The following KPNB1 variants were observed in gnomAD, a reference collection of about 807,000 sequenced individuals.
KPNB1 encodes importin subunit beta-1.
In KPNB1, 7 loss-of-function variants were observed where a neutral mutation model predicts 113.0. The ratio of observed to expected loss-of-function variants is 0.06; its 90% CI spans 0.04 to 0.12. The LOEUF is 0.12. KPNB1 is among the 10% of genes least tolerant of loss of function. The pLI, the probability that KPNB1 is intolerant of heterozygous loss-of-function variation, is 1.00. For synonymous variants in KPNB1, 363 were observed against 378.6 expected (o/e 0.96, Z 0.48); for missense variants, 400 against 1,054.8 (o/e 0.38, Z 8.60).
In KPNB1 at chr17:47,683,253, G is replaced by A. The variant is rs1165013202; in HGVS notation, c.*849G>A. On this transcript the variant is annotated 3_prime_UTR_variant, in exon 22 of 22. Coordinates refer to ENST00000290158, the MANE Select transcript of KPNB1 (RefSeq NM_002265.6). ...CCTATCCTGATCTTTTCATCAAGGC[G>A]CCTTTCCTAATAATATGGTTCAACT... is the stretch of plus-strand genomic sequence containing the variant. The A allele has an allele frequency of 2.9e-5, 4 of 137,818 alleles. No homozygotes were observed. The highest frequency in any genetic ancestry group is 2.6e-4 in the South Asian group (1 of 3,904). 8.5% of individuals were successfully genotyped at this position (137,818 alleles called of 1,614,324 possible). A position where few individuals can be genotyped will look rare whatever the true frequency, so the allele number is the denominator to read the frequency against.
At chr17:47,677,472 C>CAAAAAAAAAAAA (rs746941632) in intron 17 of KPNB1, among the ~76,000 whole-genome samples, 1 of 53,264 alleles carries the variant, frequency 1.9e-5, no homozygotes, top group African/African-American at 6.8e-5. Flanking sequence ...AACTCCGTCT[C>CAAAAAAAAAAAA]AAAAAAAAAA....
chr17:47,676,600 C>T, intron 16 of KPNB1, 109 bp downstream of exon 16: 1 of 774,530 alleles, frequency 1.3e-6, no homozygotes. Flanking sequence ...GATACATTGT[C>T]CTAAAAGGCA....
At position 47,676,978 on chromosome 17, in the gene KPNB1, C is replaced by T. The variant is rs1412290074; in HGVS notation, c.1996-42C>T. 3.4e-6 allele frequency: 5 copies of T among 1,489,318 alleles called. No individual in the cohort carries two copies. The South Asian group carries it at 4.6e-5, about 14-fold the overall frequency. The allele number at this position is 1,489,318 out of a possible 1,614,324, so 92.3% of individuals were successfully genotyped here. A position where few individuals can be genotyped will look rare whatever the true frequency, so the allele number is the denominator to read the frequency against. On this transcript the variant is annotated intron_variant, in intron 16 of 21. Transcript: ENST00000290158. ...AAAAATAATATCTTGCCCCAGCAGGCAGCCTTTTCTGTTAGAAGATTATTT... is the reference window on the plus strand; with the variant it reads ...AAAAATAATATCTTGCCCCAGCAGGTAGCCTTTTCTGTTAGAAGATTATTT...
At chr17:47,661,230 T>TC (rs1411092358) in intron 6 of KPNB1, 52 bp downstream of exon 6, 1 of 1,299,292 alleles carries the variant, frequency 7.7e-7, no homozygotes, top group African/African-American at 1.5e-5. Context: ...TTAGGAAATG[T>TC]CAAATCTAAT....
At chr17:47,680,847 C>T (rs2030749850) in intron 21 of KPNB1, among the ~76,000 whole-genome samples, 178 bp downstream of exon 21, 1 of 152,184 alleles carries the variant, frequency 6.6e-6, no homozygotes, top group African/African-American at 2.4e-5. Flanking sequence ...TGTTTGACTC[C>T]TCATAGTGAT....
chr17:47,670,576 TGA>T (rs1164895034), intron 11 of KPNB1, 124 bp from the exon 12 acceptor site: 2 of 864,604 alleles, frequency 2.3e-6, no homozygotes, highest in Non-Finnish European at 3.6e-6. Flanking sequence ...AATGCTGTCT[TGA>T]GATGACCTTG....
At chr17:47,674,523 C>T in intron 14 of KPNB1, 115 bp from the exon 15 acceptor site, 1 of 963,962 alleles carries the variant, frequency 1.0e-6, no homozygotes, top group Non-Finnish European at 1.6e-6. Context: ...ATACATTTGG[C>T]ATTCCCAAAA....
At position 47,650,008 on chromosome 17, in the gene KPNB1, A is replaced by G. The variant is rs896114418; in HGVS notation, c.-237A>G. The G allele has an allele frequency of 5.2e-5, 71 of 1,355,824 alleles. No homozygotes were observed. The highest frequency in any genetic ancestry group is 6.3e-5 in the Non-Finnish European group (67 of 1,059,378). 84.0% of individuals were successfully genotyped at this position (1,355,824 alleles called of 1,614,324 possible). On this transcript the variant is annotated 5_prime_UTR_variant, in exon 1 of 22. Coordinates refer to ENST00000290158, the MANE Select transcript of KPNB1 (RefSeq NM_002265.6). ...CACCAGCGCGCTCTGAGCTGCCCCC[A>G]GGGTCCCTCCCCCGCCGCCAGCAGC...
At chr17:47,661,397 T>C (rs1413055978) in intron 6 of KPNB1, among the ~76,000 whole-genome samples, 1 of 151,742 alleles carries the variant, frequency 6.6e-6, no homozygotes, top group Non-Finnish European at 1.5e-5. Context: ...GTTAGGAGTT[T>C]CATACCAGTC....
chr17:47,658,302 G>T (rs546683713), intron 4 of KPNB1, among the ~76,000 whole-genome samples: 1 of 152,224 alleles, frequency 6.6e-6, no homozygotes, highest in Non-Finnish European at 1.5e-5. Context: ...CAATGTAAAT[G>T]CTATATTAAT....
At chr17:47,659,898 C>CA (rs979619147) in intron 5 of KPNB1, among the ~76,000 whole-genome samples, 28 of 135,660 alleles carry the variant, frequency 2.1e-4, no homozygotes, top group South Asian at 9.0e-4. Flanking sequence ...ACTCTGTCTC[C>CA]AAAAAAAAAA....
In KPNB1 at chr17:47,682,983, CTCAACT is replaced by C. The variant is rs2030829139; in HGVS notation, c.*584_*589del. The C allele has an allele frequency of 6.6e-6, 1 of 151,262 alleles. No individual in the cohort carries two copies. The highest frequency in any genetic ancestry group is 2.4e-5 in the African/African-American group (1 of 40,868). The allele number at this position is 151,262 out of a possible 1,614,324, so 9.4% of individuals were successfully genotyped here. ...GTGTGAGTGAGGCGGTATCCACATT[CTCAACT>C]TCAAGTCATTGCAGTTTCTTTTTCC... is the stretch of plus-strand genomic sequence containing the variant. On this transcript the variant is annotated 3_prime_UTR_variant, in exon 22 of 22. Transcript: ENST00000290158.
In KPNB1 at chr17:47,683,404, C is replaced by G. The variant is rs1364995497; in HGVS notation, c.*1000C>G. 1 of 152,294 alleles carries G rather than the reference C, an allele frequency of 6.6e-6. No homozygotes were observed. The highest frequency in any genetic ancestry group is 2.4e-5 in the African/African-American group (1 of 41,370). 9.4% of individuals were successfully genotyped at this position (152,294 alleles called of 1,614,324 possible). On this transcript the variant is annotated 3_prime_UTR_variant, in exon 22 of 22. Transcript: ENST00000290158. ...AAAAACAAAAAAATCACAACCCAAA[C>G]AAACCAAAATTTAAATGATCAGAAT...
chr17:47,652,498 G>A (rs1298250774), intron 2 of KPNB1, among the ~76,000 whole-genome samples, 196 bp from the exon 3 acceptor site: 1 of 152,062 alleles, frequency 6.6e-6, no homozygotes, highest in African/African-American at 2.4e-5. Flanking sequence ...AAGACTTCCT[G>A]TTACACTAAG....
At chr17:47,650,483 C>G in intron 2 of KPNB1, 39 bp downstream of exon 2, 1 of 1,578,968 alleles carries the variant, frequency 6.3e-7, no homozygotes, top group Non-Finnish European at 8.6e-7. Context: ...GCCGCGTCCC[C>G]ATCCCCTGCG....
At chr17:47,676,945 A>G in intron 16 of KPNB1, 75 bp from the exon 17 acceptor site, 4 of 1,099,960 alleles carry the variant, frequency 3.6e-6, no homozygotes, top group Non-Finnish European at 5.5e-6. Flanking sequence ...AAAGCTCAGC[A>G]GCTAGTTAAA....
At chr17:47,678,590 G>C (rs1040125945) in intron 19 of KPNB1, 177 bp downstream of exon 19, 2 of 579,448 alleles carry the variant, frequency 3.5e-6, no homozygotes, top group Non-Finnish European at 6.2e-6. Context: ...GTAGACTACT[G>C]TTTTTGCTCT....
chr17:47,650,185 C>T lies in KPNB1; in HGVS notation c.-60C>T. ...CCCAACCCCCATCCCCAGTTCGAGC[C>T]GCCGCCCGAAAGGCCGGGCCGTCGT... On this transcript the variant is annotated 5_prime_UTR_variant, in exon 1 of 22. Transcript: ENST00000290158. 7.9e-7 allele frequency: 1 copy of T among 1,268,794 alleles called. No homozygotes were observed. The highest frequency in any genetic ancestry group is 1.0e-6 in the Non-Finnish European group (1 of 987,028). 78.6% of individuals were successfully genotyped at this position (1,268,794 alleles called of 1,614,324 possible). A position where few individuals can be genotyped will look rare whatever the true frequency, so the allele number is the denominator to read the frequency against.
chr17:47,664,596 A>G (rs559454960), intron 8 of KPNB1, among the ~76,000 whole-genome samples: 1 of 152,330 alleles, frequency 6.6e-6, no homozygotes, highest in South Asian at 2.1e-4. Context: ...ATGCAAGCCT[A>G]GGATGTATAA....
Sources: allele counts gnomAD v4.1 joint callset (sites outside exome capture counted in the v4.1 genomes callset), GRCh38; gene constraint gnomAD v4.1.1; transcripts MANE v1.5; gene names NCBI Gene and HGNC (gene_info 2026-07-23, HGNC 2026-07-21).